Variants in AFF2 observed in about 807,000 individuals in gnomAD.
The protein encoded by AFF2 is AF4/FMR2 family member 2.
A neutral mutation model predicts 76.9 loss-of-function variants in AFF2; 14 were observed. That is an observed-to-expected ratio of 0.18 (90% confidence interval 0.12 to 0.28). The LOEUF (loss-of-function observed/expected upper bound fraction) is 0.28. Among genes scored for constraint, AFF2 ranks in the 10% least tolerant of loss-of-function variants. AFF2 has a pLI of 1.00. For missense variants in AFF2, 868 were observed against 1,001.1 expected, an observed-to-expected ratio of 0.87 and a Z score of 1.79; for synonymous variants, 398 against 366.7, an observed-to-expected ratio of 1.09 and a Z score of -0.98.
intron 1 of AFF2, 21 bp from the exon 2 acceptor site, chrX:148,651,978 G>T (rs1557256393): frequency 8.7e-7 from 1 of 1,145,052 alleles, no homozygotes; most frequent in South Asian, 2.1e-5. Flanking sequence ...TTCTCTTTTT[G>T]TCTTTTCCTT....
At chrX:148,627,411 G>A (rs1376273493) in intron 1 of AFF2, among the ~76,000 whole-genome samples, 1 of 112,031 alleles carries the variant, frequency 8.9e-6, no homozygotes, top group Non-Finnish European at 1.9e-5. Context: ...CAGAAGGATT[G>A]AATGGGGGTC....
chrX:148,834,102 T>C (rs1557273567), intron 4 of AFF2, among the ~76,000 whole-genome samples: 1 of 112,412 alleles, frequency 8.9e-6, no homozygotes, highest in East Asian at 2.8e-4. Context: ...TTTTGTGGGG[T>C]TTGACTTTGG....
At chrX:148,835,253 C>T (rs2070507030) in intron 4 of AFF2, among the ~76,000 whole-genome samples, 1 of 111,474 alleles carries the variant, frequency 9.0e-6, no homozygotes, top group African/African-American at 3.3e-5. Flanking sequence ...TCAATTTAGG[C>T]ATACCCAGTA....
intron 3 of AFF2, among the ~76,000 whole-genome samples, chrX:148,774,881 C>CT (rs1167231678): frequency 6.3e-5 from 7 of 111,974 alleles, no homozygotes; most frequent in African/African-American, 2.3e-4. Flanking sequence ...ATGTAATGAA[C>CT]TTATGGGATC....
intron 4 of AFF2, among the ~76,000 whole-genome samples, chrX:148,817,358 A>G (rs73605995): frequency 2.7e-5 from 3 of 111,237 alleles, no homozygotes; most frequent in African/African-American, 9.8e-5. Context: ...GCTCTGTACA[A>G]ATAAATATAA....
chrX:148,725,466 A>G (rs1219050956), intron 3 of AFF2, among the ~76,000 whole-genome samples: 2 of 111,463 alleles, frequency 1.8e-5, no homozygotes, highest in Non-Finnish European at 3.8e-5. Flanking sequence ...ATCCCAAGAC[A>G]ACACAGTTTC....
At chrX:148,750,622 T>C (rs782567475) in intron 3 of AFF2, among the ~76,000 whole-genome samples, 2 of 111,826 alleles carry the variant, frequency 1.8e-5, no homozygotes, top group Non-Finnish European at 3.8e-5. Flanking sequence ...TGGATTTAAA[T>C]CTGGATCCTA....
chrX:148,738,256 T>A (rs2055309352), intron 3 of AFF2, among the ~76,000 whole-genome samples: 1 of 111,443 alleles, frequency 9.0e-6, no homozygotes, highest in Non-Finnish European at 1.9e-5. Flanking sequence ...CTGGACTTTT[T>A]TTTTGTCGGT....
intron 12 of AFF2, among the ~76,000 whole-genome samples, chrX:148,959,965 A>G (rs1013388348): frequency 8.9e-6 from 1 of 112,712 alleles, no homozygotes; most frequent in Non-Finnish European, 1.9e-5. Context: ...TAGGTGACCC[A>G]GTGGCCTGTC....
At chrX:148,764,865 T>G (rs1173907172) in intron 3 of AFF2, among the ~76,000 whole-genome samples, 1 of 112,010 alleles carries the variant, frequency 8.9e-6, no homozygotes, top group African/African-American at 3.2e-5. Flanking sequence ...AAATTCTTTT[T>G]GAAATATTTC....
At chrX:148,580,326 C>A (rs1351384970) in intron 1 of AFF2, among the ~76,000 whole-genome samples, 1 of 111,173 alleles carries the variant, frequency 9.0e-6, no homozygotes, top group Non-Finnish European at 1.9e-5. Flanking sequence ...TTGGAACCAG[C>A]CCATCCACCT....
chrX:148,574,489 T>G (rs2124332388), intron 1 of AFF2, among the ~76,000 whole-genome samples: 1 of 111,714 alleles, frequency 9.0e-6, no homozygotes, highest in Non-Finnish European at 1.9e-5. Context: ...TGCTTTGATC[T>G]TAGTCAATGA....
intron 3 of AFF2, among the ~76,000 whole-genome samples, chrX:148,756,618 A>G: frequency 8.9e-6 from 1 of 112,529 alleles, no homozygotes. Context: ...CACCATGTCT[A>G]ACTCACATAA....
At chrX:148,540,627 T>C (rs1045268022) in intron 1 of AFF2, among the ~76,000 whole-genome samples, 2 of 110,941 alleles carry the variant, frequency 1.8e-5, no homozygotes, top group African/African-American at 3.3e-5. Flanking sequence ...TGAAGCATTT[T>C]TGGGAGCTGC....
At chrX:148,734,961 A>G (rs1451350947) in intron 3 of AFF2, among the ~76,000 whole-genome samples, 2 of 112,066 alleles carry the variant, frequency 1.8e-5, no homozygotes, top group Non-Finnish European at 3.8e-5. Context: ...AAGCAAGTGA[A>G]AACACTAGAA....
chrX:148,548,655 G>A (rs782518702), intron 1 of AFF2, among the ~76,000 whole-genome samples: 63 of 111,246 alleles, frequency 5.7e-4, no homozygotes, highest in Non-Finnish European at 1.0e-3. Flanking sequence ...GGCTGGTCTC[G>A]AACTCCTGAC....
chrX:148,829,540 C>G (rs1383928670), intron 4 of AFF2, among the ~76,000 whole-genome samples: 1 of 111,882 alleles, frequency 8.9e-6, no homozygotes, highest in African/African-American at 3.3e-5. Context: ...CCACCCCATC[C>G]CTGGGAGAAT....
At chrX:148,788,504 C>T (rs1344298820) in intron 3 of AFF2, among the ~76,000 whole-genome samples, 1 of 112,196 alleles carries the variant, frequency 8.9e-6, no homozygotes, top group Non-Finnish European at 1.9e-5. Context: ...TGTGCCAAGT[C>T]TGTGCACCTT....
chrX:148,682,195 T>C (rs1254364964), intron 3 of AFF2, among the ~76,000 whole-genome samples: 5 of 112,115 alleles, frequency 4.5e-5, no homozygotes, highest in Non-Finnish European at 9.4e-5. Context: ...GTAATCCTAA[T>C]TTTAAGAAAA....
Sources: allele counts gnomAD v4.1 joint callset (sites outside exome capture counted in the v4.1 genomes callset), GRCh38; gene constraint gnomAD v4.1.1; transcripts MANE v1.5; gene names NCBI Gene and HGNC (gene_info 2026-07-23, HGNC 2026-07-21).